The following TP63 variants were observed in gnomAD, a reference collection of about 807,000 sequenced individuals.
TP63 encodes tumor protein 63.
A neutral mutation model predicts 82.8 loss-of-function variants in TP63; 17 were observed. The ratio of observed to expected loss-of-function variants is 0.21; its 90% confidence interval spans 0.14 to 0.31. The LOEUF (loss-of-function observed/expected upper bound fraction) is 0.31, where lower values mean the gene tolerates loss of function less well. Among genes scored for constraint, TP63 ranks in the 10% least tolerant of loss-of-function variants. The pLI is 1.00. For synonymous variants in TP63, 330 were observed against 321.7 expected (o/e 1.03, Z -0.28); for missense variants, 648 against 895.3 (o/e 0.72, Z 3.52).
Position 189,881,489 on chromosome 3 carries a change from T to C in TP63, c.1350-4905T>C, listed in dbSNP as rs1039713724. 1.2e-5 allele frequency: 12 copies of C among 985,324 alleles called. No individual in the cohort carries two copies. The African/African-American group carries it at 1.7e-4, about 14-fold the overall frequency. The allele number at this position is 985,324 out of a possible 1,614,324, so 61.0% of individuals were successfully genotyped here. ...TTAATTTTCAATAAACTTTTGCATC[T>C]TGGTTTATCTTGCAGTTTTTTTGTT... On this transcript the variant is annotated intron_variant, in intron 10 of 13. Transcript: ENST00000264731.
intron 3 of TP63, among the ~76,000 whole-genome samples, chr3:189,763,199 G>C (rs1480752741): frequency 6.6e-6 from 1 of 152,110 alleles, no homozygotes; most frequent in Non-Finnish European, 1.5e-5. Flanking sequence ...GCTTGAGCCT[G>C]GGAGGTCAAG....
chr3:189,672,714 A>C lies in TP63; in HGVS notation c.62+41137A>C, dbSNP rs547933007. ...GAAGGAAGGAAGGAAGGAAAGAAGGAAGGCAGGCAGGCAGGTAAAAAGAAG... is the reference window on the plus strand; with the variant it reads ...GAAGGAAGGAAGGAAGGAAAGAAGGCAGGCAGGCAGGCAGGTAAAAAGAAG... On this transcript the variant is annotated intron_variant, in intron 1 of 13. Transcript: ENST00000264731. 5.7e-3 allele frequency among the ~76,000 whole-genome samples: 830 copies of C among 144,372 alleles called. 5 individuals are homozygous for C. The highest frequency in any genetic ancestry group is 8.1e-3 in the Non-Finnish European group (514 of 63,494). The allele number at this position is 144,372 out of a possible 152,430, so 94.7% of individuals were successfully genotyped here.
At chr3:189,875,609 T>TATATATATATATACACACAC (rs1553859650) in intron 10 of TP63, among the ~76,000 whole-genome samples, 20 of 62,984 alleles carry the variant, frequency 3.2e-4, no homozygotes, top group Non-Finnish European at 4.6e-4. Context: ...TATATATATA[T>TATATATATATATACACACAC]ATATATATAT....
intron 1 of TP63, among the ~76,000 whole-genome samples, chr3:189,671,901 G>A (rs1714923489): frequency 6.6e-6 from 1 of 151,980 alleles, no homozygotes; most frequent in Non-Finnish European, 1.5e-5. Context: ...GTAGCAAGGA[G>A]GGAAAGATAG....
intron 1 of TP63, among the ~76,000 whole-genome samples, chr3:189,700,980 G>A (rs749388518): frequency 3.3e-5 from 5 of 152,078 alleles, no homozygotes; most frequent in East Asian, 1.9e-4. Context: ...GGTTAAAAGC[G>A]CTACCAAGGC....
chr3:189,849,074 G>T (rs773473810), intron 4 of TP63, among the ~76,000 whole-genome samples: 38 of 152,092 alleles, frequency 2.5e-4, no homozygotes, highest in Non-Finnish European at 3.8e-4. Flanking sequence ...AAACCCAAAA[G>T]GACAGGTTTC....
At chr3:189,832,621 T>A (rs930684637) in intron 4 of TP63, among the ~76,000 whole-genome samples, 3 of 152,206 alleles carry the variant, frequency 2.0e-5, no homozygotes, top group African/African-American at 7.2e-5. Context: ...ATTATTATGC[T>A]GTCAGGAGTT....
At chr3:189,639,929 A>G (rs1437753508) in intron 1 of TP63, among the ~76,000 whole-genome samples, 1 of 152,142 alleles carries the variant, frequency 6.6e-6, no homozygotes, top group Non-Finnish European at 1.5e-5. Context: ...TTAACCCTCC[A>G]TCAAATGCTG....
chr3:189,812,312 T>C (rs1384279858), intron 4 of TP63, among the ~76,000 whole-genome samples: 1 of 152,246 alleles, frequency 6.6e-6, no homozygotes, highest in Non-Finnish European at 1.5e-5. Flanking sequence ...TTTAAACTTC[T>C]TTCAATGAAA....
intron 3 of TP63, among the ~76,000 whole-genome samples, chr3:189,784,952 A>G (rs1302407084): frequency 1.3e-5 from 2 of 152,062 alleles, no homozygotes; most frequent in Non-Finnish European, 1.5e-5. Context: ...CTTCAACTTA[A>G]TGGTAGCTGA....
At chr3:189,787,873 T>C (rs1724740821) in intron 3 of TP63, among the ~76,000 whole-genome samples, 1 of 151,936 alleles carries the variant, frequency 6.6e-6, no homozygotes, top group African/African-American at 2.4e-5. Flanking sequence ...CCCTGCAGAG[T>C]CTGATTCAGG....
At chr3:189,864,490 G>A (rs1717443753) in intron 5 of TP63, 72 bp downstream of exon 5, 2 of 1,438,608 alleles carry the variant, frequency 1.4e-6, no homozygotes, top group African/African-American at 2.9e-5. Context: ...TTTTGTTTGA[G>A]ACCCACCTAC....
chr3:189,771,391 AT>A (rs1263016598), intron 3 of TP63, among the ~76,000 whole-genome samples: 1 of 138,512 alleles, frequency 7.2e-6, no homozygotes, highest in African/African-American at 2.7e-5. Context: ...TATATTATAT[AT>A]TAAATATATA....
chr3:189,642,587 C>T (rs1711995711), intron 1 of TP63, among the ~76,000 whole-genome samples: 2 of 151,796 alleles, frequency 1.3e-5, no homozygotes, highest in South Asian at 4.2e-4. Context: ...AATAGTAGTA[C>T]CTACCTGATT....
chr3:189,707,363 T>A (rs1437338209), intron 1 of TP63, among the ~76,000 whole-genome samples: 5 of 152,214 alleles, frequency 3.3e-5, no homozygotes, highest in Admixed American at 2.6e-4. Context: ...GTATGTAATA[T>A]TGTACTATGT....
intron 1 of TP63, among the ~76,000 whole-genome samples, chr3:189,696,372 G>T (rs1717379390): frequency 6.6e-6 from 1 of 152,012 alleles, no homozygotes; most frequent in Non-Finnish European, 1.5e-5. Context: ...TCTTTTCATG[G>T]CTTGATAGCT....
At chr3:189,799,525 T>C (rs1265232074) in intron 3 of TP63, among the ~76,000 whole-genome samples, 2 of 152,106 alleles carry the variant, frequency 1.3e-5, no homozygotes, top group Non-Finnish European at 2.9e-5. Context: ...AACACTGCCT[T>C]GGCACAAAAG....
chr3:189,818,108 CATTT>C (rs1212229511), intron 4 of TP63, among the ~76,000 whole-genome samples: 1 of 151,624 alleles, frequency 6.6e-6, no homozygotes, highest in Non-Finnish European at 1.5e-5. Flanking sequence ...ACTGTGTGTT[CATTT>C]GAGATTTTCA....
chr3:189,778,275 A>G (rs756558278), intron 3 of TP63, among the ~76,000 whole-genome samples: 4 of 152,220 alleles, frequency 2.6e-5, no homozygotes, highest in Non-Finnish European at 4.4e-5. Flanking sequence ...GAGAAATAAA[A>G]TGGCCTCTAA....
Sources: allele counts gnomAD v4.1 joint callset (sites outside exome capture counted in the v4.1 genomes callset), GRCh38; gene constraint gnomAD v4.1.1; transcripts MANE v1.5; gene names NCBI Gene and HGNC (gene_info 2026-07-23, HGNC 2026-07-21).